The following IL1RAP variants were observed in gnomAD, a reference collection of about 807,000 sequenced individuals.
IL1RAP encodes the protein interleukin 1 receptor accessory protein.
Under a neutral mutation model 60.7 loss-of-function variants are expected in IL1RAP, and 35 were observed. The ratio of observed to expected loss-of-function variants is 0.58; its 90% CI spans 0.44 to 0.76. IL1RAP has a LOEUF of 0.76. Ranked by LOEUF, IL1RAP falls within the 30% of genes least tolerant of loss-of-function variation. IL1RAP has a pLI of 0.00. For missense variants in IL1RAP, 572 were observed against 693.9 expected, an observed-to-expected ratio of 0.82 and a Z score of 1.97; for synonymous variants, 268 against 250.9, an observed-to-expected ratio of 1.07 and a Z score of -0.64.
intron 3 of IL1RAP, among the ~76,000 whole-genome samples, chr3:190,585,862 T>C (rs1728411642): frequency 6.6e-6 from 1 of 152,078 alleles, no homozygotes; most frequent in African/African-American, 2.4e-5. Context: ...TTAAGTACCA[T>C]TAGTGACTCT....
chr3:190,651,545 T>C (rs1288976072), downstream of IL1RAP: 2 of 239,560 alleles, frequency 8.3e-6, no homozygotes, highest in African/African-American at 4.7e-5. Context: ...TTATGTCATT[T>C]GGTCATTTGG....
chr3:190,617,603 AG>A (rs1731389634), intron 5 of IL1RAP, among the ~76,000 whole-genome samples: 1 of 152,226 alleles, frequency 6.6e-6, no homozygotes, highest in South Asian at 2.1e-4. Flanking sequence ...TTTTAAAGCA[AG>A]TTTCCTATTC....
chr3:190,541,203 G>C (rs1161809166), intron 1 of IL1RAP, among the ~76,000 whole-genome samples: 3 of 152,008 alleles, frequency 2.0e-5, no homozygotes, highest in Non-Finnish European at 1.5e-5. Flanking sequence ...CTCCTGTGAT[G>C]TTCACTTTTC....
intron 6 of IL1RAP, among the ~76,000 whole-genome samples, chr3:190,621,685 G>T (rs993257656): frequency 6.6e-6 from 1 of 152,124 alleles, no homozygotes; most frequent in Non-Finnish European, 1.5e-5. Flanking sequence ...TATGCCAGTA[G>T]CATATCCTTA....
chr3:190,566,517 G>T (rs1472938008), intron 3 of IL1RAP, among the ~76,000 whole-genome samples: 1 of 152,108 alleles, frequency 6.6e-6, no homozygotes, highest in Admixed American at 6.5e-5. Context: ...AGTGCTGTTG[G>T]TAAGAGAGCT....
In IL1RAP at chr3:190,644,350, T is replaced by C. The variant is rs1450692472; in HGVS notation, c.1154T>C (p.Met385Thr). The C allele has an allele frequency of 1.2e-6, 2 of 1,613,958 alleles. No homozygotes were observed. The highest frequency in any genetic ancestry group is 1.7e-6 in the Non-Finnish European group (2 of 1,179,988). ...GTTTACCATGTTTACTGGCTAGAGA[T>C]GGTCCTATTTTACCGGGCTCATTTT... is the stretch of plus-strand genomic sequence containing the variant. ...IVVYHVYWLEMVLFYRAHFGT... is the reference protein window; with the variant it reads ...IVVYHVYWLETVLFYRAHFGT... The change falls in exon 10 of 12, where the codon ATG becomes ACG. Residue 385 changes from methionine (M) to threonine (T), a missense_variant. Coordinates refer to ENST00000447382, the MANE Select transcript of IL1RAP (RefSeq NM_002182.4).
At chr3:190,540,088 C>T (rs996733275) in intron 1 of IL1RAP, among the ~76,000 whole-genome samples, 2 of 152,094 alleles carry the variant, frequency 1.3e-5, no homozygotes, top group South Asian at 4.1e-4. Flanking sequence ...TAAGATGTTA[C>T]CACATAAAGA....
intron 9 of IL1RAP, among the ~76,000 whole-genome samples, chr3:190,638,741 A>G (rs953725258): frequency 2.0e-5 from 3 of 151,832 alleles, no homozygotes; most frequent in Non-Finnish European, 4.4e-5. Flanking sequence ...CTTTTTTTTC[A>G]TGAATGGTGT....
At chr3:190,633,332 G>A (rs1310827337) in intron 9 of IL1RAP, among the ~76,000 whole-genome samples, 1 of 151,996 alleles carries the variant, frequency 6.6e-6, no homozygotes, top group Non-Finnish European at 1.5e-5. Context: ...TAAATATTTT[G>A]TTTTTGATGC....
intron 6 of IL1RAP, among the ~76,000 whole-genome samples, chr3:190,621,660 G>A (rs752298766): frequency 1.2e-4 from 18 of 152,138 alleles, no homozygotes; most frequent in Non-Finnish European, 2.2e-4. Context: ...GCTGCAAAGT[G>A]TTGAGTATTT....
intron 5 of IL1RAP, among the ~76,000 whole-genome samples, chr3:190,610,430 A>C (rs1290693217): frequency 6.6e-6 from 1 of 152,000 alleles, no homozygotes; most frequent in Non-Finnish European, 1.5e-5. Context: ...AAATGAAGAT[A>C]ATCTAAGAGG....
intron 3 of IL1RAP, among the ~76,000 whole-genome samples, chr3:190,597,413 A>G (rs1199102438): frequency 2.0e-5 from 3 of 152,206 alleles, no homozygotes. Context: ...CACTCATGTC[A>G]CAGCCGCTTG....
At position 190,651,437 on chromosome 3, in the gene IL1RAP, A is replaced by G. The variant is rs1403293488; in HGVS notation, c.*2732A>G. 3.3e-6 allele frequency: 2 copies of G among 602,198 alleles called. No individual in the cohort carries two copies. The highest frequency in any genetic ancestry group is 4.2e-6 in the Non-Finnish European group (2 of 480,596). The allele number at this position is 602,198 out of a possible 1,614,324, so 37.3% of individuals were successfully genotyped here. ...AGTGTCTTTTTTATTTCATTCATGAACTTTTGTATTTTTCATTTTTCATTT... is the reference window on the plus strand; with the variant it reads ...AGTGTCTTTTTTATTTCATTCATGAGCTTTTGTATTTTTCATTTTTCATTT... On this transcript the variant is annotated 3_prime_UTR_variant, in exon 12 of 12. Transcript: ENST00000447382.
At chr3:190,547,276 G>T (rs1227143591) in intron 1 of IL1RAP, among the ~76,000 whole-genome samples, 1 of 152,088 alleles carries the variant, frequency 6.6e-6, no homozygotes, top group East Asian at 1.9e-4. Flanking sequence ...AAAGAACTCT[G>T]GCCATAGTCC....
intron 2 of IL1RAP, among the ~76,000 whole-genome samples, chr3:190,562,441 T>A (rs1725971832): frequency 6.6e-6 from 1 of 152,060 alleles, no homozygotes; most frequent in Non-Finnish European, 1.5e-5. Flanking sequence ...GTCTGGTAAC[T>A]CTTTTTATCT....
At chr3:190,583,412 C>T (rs759907238) in intron 3 of IL1RAP, among the ~76,000 whole-genome samples, 5 of 152,206 alleles carry the variant, frequency 3.3e-5, no homozygotes, top group Non-Finnish European at 7.3e-5. Context: ...TCTGAAGAAG[C>T]ATAGACGTTT....
At chr3:190,631,948 A>G (rs1340848737) in intron 9 of IL1RAP, among the ~76,000 whole-genome samples, 4 of 152,026 alleles carry the variant, frequency 2.6e-5, no homozygotes, top group African/African-American at 9.6e-5. Flanking sequence ...CTACACAGGC[A>G]TGTGCCACCA....
At chr3:190,644,046 C>T in intron 9 of IL1RAP, 1 of 745,274 alleles carries the variant, frequency 1.3e-6, no homozygotes, top group South Asian at 6.1e-5. Context: ...ACCTTCTATG[C>T]CAGGTGCTGG....
At chr3:190,647,602 AAC>A (rs1288037231) in intron 11 of IL1RAP, among the ~76,000 whole-genome samples, 1 of 152,210 alleles carries the variant, frequency 6.6e-6, no homozygotes, top group Admixed American at 6.5e-5. Flanking sequence ...CAGCTGCCGA[AAC>A]ACATAGCTTT....
Sources: allele counts gnomAD v4.1 joint callset (sites outside exome capture counted in the v4.1 genomes callset), GRCh38; gene constraint gnomAD v4.1.1; transcripts MANE v1.5; gene names NCBI Gene and HGNC (gene_info 2026-07-23, HGNC 2026-07-21).